Variants in CTBP2 observed in about 807,000 individuals in gnomAD.
The protein encoded by CTBP2 is C-terminal binding protein 2, also known as C-terminal-binding protein 2.
CTBP2 carries 30 observed loss-of-function variants against 80.3 expected under a neutral mutation model. The ratio of observed to expected loss-of-function variants is 0.37; its 90% CI spans 0.28 to 0.51. The LOEUF (loss-of-function observed/expected upper bound fraction) is 0.51. Among genes scored for constraint, CTBP2 ranks in the 20% least tolerant of loss-of-function variants. CTBP2 has a pLI of 0.93. For synonymous variants in CTBP2, 594 were observed against 587.4 expected (o/e 1.01, Z -0.16); for missense variants, 1,212 against 1,375.3 (o/e 0.88, Z 1.88).
chr10:125,113,840 G>C (rs76924178), intron 1 of CTBP2, among the ~76,000 whole-genome samples: 1 of 152,108 alleles, frequency 6.6e-6, no homozygotes, highest in Admixed American at 6.5e-5. Flanking sequence ...ATTTCAAGCC[G>C]GGCGTTCAAG....
intron 1 of CTBP2, among the ~76,000 whole-genome samples, chr10:125,126,733 C>T (rs891409643): frequency 4.9e-5 from 7 of 143,132 alleles, no homozygotes; most frequent in African/African-American, 1.8e-4. Context: ...ATTCTGATCA[C>T]CACCCCCCGC....
At chr10:125,147,564 C>T (rs549307713) in intron 1 of CTBP2, among the ~76,000 whole-genome samples, 26 of 152,298 alleles carry the variant, frequency 1.7e-4, no homozygotes, top group African/African-American at 6.3e-4. Context: ...AGCCACTCCC[C>T]TTCCCTACCA....
intron 2 of CTBP2, among the ~76,000 whole-genome samples, chr10:125,044,443 G>C (rs1960723587): frequency 8.4e-6 from 1 of 119,564 alleles, no homozygotes; most frequent in African/African-American, 3.3e-5. Context: ...TTCATCCGGA[G>C]TTAACAGCCA....
intron 2 of CTBP2, among the ~76,000 whole-genome samples, chr10:125,069,791 A>G (rs1845177114): frequency 6.6e-6 from 1 of 152,010 alleles, no homozygotes; most frequent in Non-Finnish European, 1.5e-5. Flanking sequence ...CTCACAGAGT[A>G]TTTTGTTGTT....
chr10:124,991,279 C>T (rs1010850632), intron 8 of CTBP2, among the ~76,000 whole-genome samples: 1 of 152,212 alleles, frequency 6.6e-6, no homozygotes, highest in Non-Finnish European at 1.5e-5. Context: ...GCCTGCCATC[C>T]TGTCACCAAG....
At chr10:125,111,683 G>C (rs960740564) in intron 1 of CTBP2, among the ~76,000 whole-genome samples, 1 of 152,158 alleles carries the variant, frequency 6.6e-6, no homozygotes, top group Non-Finnish European at 1.5e-5. Flanking sequence ...AATATGAACC[G>C]AGGTGATGCA....
At chr10:125,079,894 G>A (rs774890666) in intron 2 of CTBP2, among the ~76,000 whole-genome samples, 1 of 152,138 alleles carries the variant, frequency 6.6e-6, no homozygotes, top group Non-Finnish European at 1.5e-5. Context: ...GCACTCCATG[G>A]AGAAGTACTT....
At position 125,027,695 on chromosome 10, in the gene CTBP2, T is replaced by C. The variant is rs758360553; in HGVS notation, c.65A>G (p.Tyr22Cys). 3.1e-6 allele frequency: 5 copies of C among 1,613,666 alleles called. No individual in the cohort carries two copies. The highest frequency in any genetic ancestry group is 4.2e-6 in the Non-Finnish European group (5 of 1,179,922). The change falls in exon 1 of 9, where the codon TAC becomes TGC. Residue 22 changes from tyrosine to cysteine, a missense_variant. Physicochemically the swap from Tyr to Cys is radical, Grantham distance 194 (BLOSUM62 -2). Coordinates refer to ENST00000309035, the MANE Select transcript of CTBP2 (RefSeq NM_022802.3). ...CTCGGCGTTCTCCCAGGGGCCCTCG[T>C]ACCACCCAGCAGCATCCCAGCTCTG...
upstream of CTBP2, among the ~76,000 whole-genome samples, chr10:125,030,612 A>C (rs1958074299): frequency 6.6e-6 from 1 of 152,228 alleles, no homozygotes; most frequent in Admixed American, 6.5e-5. Flanking sequence ...GAGAGAAAAC[A>C]TGACTCTGGG....
chr10:125,029,437 G>GTC (rs1957967123), upstream of CTBP2, among the ~76,000 whole-genome samples: 1 of 151,838 alleles, frequency 6.6e-6, no homozygotes, highest in South Asian at 2.1e-4. Context: ...AGCCTACCAT[G>GTC]TCTCTACTCT....
intron 1 of CTBP2, among the ~76,000 whole-genome samples, chr10:125,115,982 G>T (rs1853195849): frequency 6.6e-6 from 1 of 152,110 alleles, no homozygotes; most frequent in African/African-American, 2.4e-5. Flanking sequence ...GACCTCTCTG[G>T]ACTAGATGCA....
At chr10:124,992,544 C>T (rs56052207) in intron 8 of CTBP2, 151 bp downstream of exon 10, 63,084 of 534,042 alleles carry the variant, frequency 0.12, 4,427 homozygotes, top group East Asian at 0.25. Context: ...GAAATGGGGG[C>T]GGTGTACACA....
rs1564914033 is a variant in CTBP2, at chr10:125,098,700, G to GAC, written c.-102+12289_-102+12290insGT. ...AGAGAGAGAGAGAGAGAGAGAGAGA[G>GAC]AGAGAGACAGAGAGAGAGAGAGACA... On this transcript the variant is annotated intron_variant, in intron 2 of 10. Coordinates refer to the CTBP2 transcript ENST00000337195. Among the ~76,000 whole-genome samples the GAC allele has an allele frequency of 6.3e-3, 533 of 84,866 alleles. 11 individuals carry two copies. Among genetic ancestry groups the GAC allele is most frequent in the South Asian group, 0.011 (26 of 2,404 alleles). The allele number at this position is 84,866 out of a possible 152,430, so 55.7% of individuals were successfully genotyped here. A position where few individuals can be genotyped will look rare whatever the true frequency, so the allele number is the denominator to read the frequency against.
chr10:125,039,631 G>A (rs766051775), intron 2 of CTBP2, among the ~76,000 whole-genome samples: 7 of 152,178 alleles, frequency 4.6e-5, no homozygotes, highest in Non-Finnish European at 8.8e-5. Flanking sequence ...CAAAACAGCC[G>A]CGCAGGGGTC....
chr10:125,148,387 C>T (rs1181159226), intron 1 of CTBP2, among the ~76,000 whole-genome samples: 1 of 152,226 alleles, frequency 6.6e-6, no homozygotes, highest in Non-Finnish European at 1.5e-5. Context: ...TGTGCTGCTG[C>T]AGCCCCCTTC....
At chr10:125,101,365 A>C (rs1483556820) in intron 2 of CTBP2, among the ~76,000 whole-genome samples, 1 of 152,244 alleles carries the variant, frequency 6.6e-6, no homozygotes, top group African/African-American at 2.4e-5. Flanking sequence ...CATTTAAAGG[A>C]GTAGAGACAT....
intron 2 of CTBP2, among the ~76,000 whole-genome samples, chr10:125,108,882 C>A (rs1221809339): frequency 6.6e-6 from 1 of 152,226 alleles, no homozygotes; most frequent in East Asian, 1.9e-4. Flanking sequence ...AAAACTCTTA[C>A]CCAAAAGGAT....
intron 2 of CTBP2, among the ~76,000 whole-genome samples, chr10:125,079,484 T>C (rs952966246): frequency 3.3e-5 from 5 of 152,200 alleles, no homozygotes; most frequent in Non-Finnish European, 5.9e-5. Context: ...CTTACACAGA[T>C]TGAGATCAAC....
intron 1 of CTBP2, among the ~76,000 whole-genome samples, chr10:125,145,096 T>C (rs1317320175): frequency 6.6e-6 from 1 of 150,734 alleles, no homozygotes; most frequent in African/African-American, 2.4e-5. Flanking sequence ...TAGTGGGTTA[T>C]TTGAGTTATA....
Sources: allele counts gnomAD v4.1 joint callset (sites outside exome capture counted in the v4.1 genomes callset), GRCh38; gene constraint gnomAD v4.1.1; transcripts MANE v1.5; gene names NCBI Gene and HGNC (gene_info 2026-07-23, HGNC 2026-07-21).